The following MDGA2 variants were observed in gnomAD, a reference collection of about 807,000 sequenced individuals.
The protein encoded by MDGA2 is MAM domain containing glycosylphosphatidylinositol anchor 2.
A neutral mutation model predicts 117.8 loss-of-function variants in MDGA2; 40 were observed. The ratio of observed to expected loss-of-function variants is 0.34; its 90% confidence interval spans 0.26 to 0.44. The LOEUF (loss-of-function observed/expected upper bound fraction) is 0.44, where lower values mean the gene tolerates loss of function less well. MDGA2 is among the 20% of genes least tolerant of loss of function. MDGA2 has a pLI of 1.00. For synonymous variants in MDGA2, 452 were observed against 439.0 expected (o/e 1.03, Z -0.37); for missense variants, 1,123 against 1,250.6 (o/e 0.90, Z 1.54).
intron 3 of MDGA2, among the ~76,000 whole-genome samples, chr14:47,180,448 C>T (rs1201653094): frequency 1.3e-5 from 2 of 152,036 alleles, no homozygotes; most frequent in Non-Finnish European, 2.9e-5. Context: ...GCAAACTATG[C>T]GTCTGACAAA....
At chr14:47,552,888 A>G (rs1895611208) in intron 1 of MDGA2, among the ~76,000 whole-genome samples, 1 of 152,176 alleles carries the variant, frequency 6.6e-6, no homozygotes, top group African/African-American at 2.4e-5. Flanking sequence ...TCATCTTTGT[A>G]CTTACGTTCC....
chr14:47,428,077 A>G (rs1038600715), intron 1 of MDGA2, among the ~76,000 whole-genome samples: 1 of 152,134 alleles, frequency 6.6e-6, no homozygotes, highest in Non-Finnish European at 1.5e-5. Flanking sequence ...TCTGTTCACA[A>G]GGAAACTTTC....
chr14:47,647,526 A>G (rs75488984), intron 1 of MDGA2, among the ~76,000 whole-genome samples: 13,639 of 152,194 alleles, frequency 0.09, 649 homozygotes, highest in Non-Finnish European at 0.11. Context: ...AGTTGATCAA[A>G]ACCCAACTGG....
intron 1 of MDGA2, among the ~76,000 whole-genome samples, chr14:47,561,163 G>GTTTT (rs1309865250): frequency 3.0e-4 from 25 of 83,870 alleles, no homozygotes; most frequent in Non-Finnish European, 3.6e-4. Context: ...GTTTTGTTTT[G>GTTTT]TTTTTTTGTT....
At chr14:47,290,778 C>A (rs1888857313) in intron 2 of MDGA2, among the ~76,000 whole-genome samples, 1 of 143,216 alleles carries the variant, frequency 7.0e-6, no homozygotes. Context: ...GGATTTAGAA[C>A]AGTGACACAA....
intron 1 of MDGA2, among the ~76,000 whole-genome samples, chr14:47,387,905 G>A (rs1017350083): frequency 9.9e-5 from 15 of 152,128 alleles, no homozygotes; most frequent in Non-Finnish European, 1.6e-4. Context: ...CACAGCCTTC[G>A]ATATAAAGGA....
intron 2 of MDGA2, among the ~76,000 whole-genome samples, chr14:47,251,802 A>G (rs746279704): frequency 1.3e-5 from 2 of 152,198 alleles, no homozygotes; most frequent in Non-Finnish European, 2.9e-5. Context: ...CAATCAACAT[A>G]AAGAAAATGC....
rs35801678 is a variant in MDGA2 at position 47,079,727 on chromosome 14, A to ATTTTTTTTTTTTTTTT, written c.1195+17111_1195+17126dup. On this transcript the variant is annotated intron_variant, in intron 6 of 16. Transcript: ENST00000399232. ...ATTTGTTTCAGCCGATTTTCTACTA[A>ATTTTTTTTTTTTTTTT]TTTTTTTTTTTTTTTTTTTTTTGAG... is the stretch of plus-strand genomic sequence containing the variant. Among the ~76,000 whole-genome samples, 42 of 80,064 alleles carry ATTTTTTTTTTTTTTTT rather than the reference A, an allele frequency of 5.2e-4. 5 individuals are homozygous for ATTTTTTTTTTTTTTTT. Among genetic ancestry groups the ATTTTTTTTTTTTTTTT allele is most frequent in the East Asian group, 2.1e-3 (4 of 1,916 alleles). The allele number at this position is 80,064 out of a possible 152,430, so 52.5% of individuals were successfully genotyped here. A position where few individuals can be genotyped will look rare whatever the true frequency, so the allele number is the denominator to read the frequency against.
chr14:47,007,087 A>G (rs1163992305), intron 8 of MDGA2, among the ~76,000 whole-genome samples: 1 of 151,824 alleles, frequency 6.6e-6, no homozygotes, highest in Non-Finnish European at 1.5e-5. Flanking sequence ...GGTAACATCC[A>G]TGGAGGATAC....
At chr14:47,168,077 G>T (rs1454111909) in intron 3 of MDGA2, among the ~76,000 whole-genome samples, 2 of 152,014 alleles carry the variant, frequency 1.3e-5, no homozygotes, top group African/African-American at 4.8e-5. Flanking sequence ...GAAAACCTGT[G>T]TATCTGTATG....
intron 2 of MDGA2, among the ~76,000 whole-genome samples, chr14:47,229,172 T>C (rs1411301735): frequency 6.6e-6 from 1 of 152,146 alleles, no homozygotes; most frequent in Non-Finnish European, 1.5e-5. Flanking sequence ...ATATATAGTA[T>C]ACCGCATAAG....
chr14:46,923,088 T>C (rs1056909477), intron 9 of MDGA2, among the ~76,000 whole-genome samples: 3 of 152,206 alleles, frequency 2.0e-5, no homozygotes, highest in Admixed American at 2.0e-4. Context: ...GAAAAACAGA[T>C]CCTCATGATC....
At chr14:46,985,403 C>T (rs1231635129) in intron 8 of MDGA2, among the ~76,000 whole-genome samples, 1 of 151,898 alleles carries the variant, frequency 6.6e-6, no homozygotes, top group African/African-American at 2.4e-5. Flanking sequence ...CTGAACCGAA[C>T]CTAGTGGATT....
chr14:47,431,223 G>A (rs1485090617), intron 1 of MDGA2, among the ~76,000 whole-genome samples: 1 of 151,882 alleles, frequency 6.6e-6, no homozygotes, highest in East Asian at 1.9e-4. Context: ...TTAATCAGAT[G>A]TTACAAGTAT....
chr14:47,434,312 T>C (rs1235073969), intron 1 of MDGA2, among the ~76,000 whole-genome samples: 3 of 152,126 alleles, frequency 2.0e-5, no homozygotes, highest in Non-Finnish European at 4.4e-5. Flanking sequence ...TTGTTACTTA[T>C]AGGTGTTTTG....
At chr14:47,070,231 T>C (rs1463185570) in intron 6 of MDGA2, among the ~76,000 whole-genome samples, 2 of 152,286 alleles carry the variant, frequency 1.3e-5, no homozygotes, top group East Asian at 3.9e-4. Flanking sequence ...CCACCCCTGT[T>C]CCGGTAATCA....
At chr14:47,288,810 G>A (rs537012528) in intron 2 of MDGA2, among the ~76,000 whole-genome samples, 2 of 149,812 alleles carry the variant, frequency 1.3e-5, no homozygotes, top group South Asian at 2.1e-4. Context: ...CTTATTTTTC[G>A]GTTCTGGAAA....
rs185235435 is a variant in MDGA2 at position 47,277,963 on chromosome 14, G to A, written c.420+23448C>T. Among the ~76,000 whole-genome samples, 339 of 152,202 alleles carry A rather than the reference G, an allele frequency of 2.2e-3. 2 individuals are homozygous for A. The highest frequency in any genetic ancestry group is 7.6e-3 in the African/African-American group (315 of 41,504). ...GAGATGAAGAGGAAGCAAAAAACAGGCAAGGGATTCCAGGCATCAGCCAGC... is the reference window on the plus strand; with the variant it reads ...GAGATGAAGAGGAAGCAAAAAACAGACAAGGGATTCCAGGCATCAGCCAGC... On this transcript the variant is annotated intron_variant, in intron 2 of 16. Coordinates refer to ENST00000399232, the MANE Select transcript of MDGA2 (RefSeq NM_001113498.3).
At chr14:47,186,839 T>C (rs1884930090) in intron 3 of MDGA2, among the ~76,000 whole-genome samples, 1 of 151,932 alleles carries the variant, frequency 6.6e-6, no homozygotes, top group African/African-American at 2.4e-5. Context: ...TTTCTTCGAT[T>C]TTCTAGGATT....
Sources: allele counts gnomAD v4.1 joint callset (sites outside exome capture counted in the v4.1 genomes callset), GRCh38; gene constraint gnomAD v4.1.1; transcripts MANE v1.5; gene names NCBI Gene and HGNC (gene_info 2026-07-23, HGNC 2026-07-21).